POLN: variants seen among roughly 807,000 people sequenced by gnomAD.
POLN encodes DNA polymerase nu.
In POLN, 108 loss-of-function variants were observed where a neutral mutation model predicts 113.5. That is an observed-to-expected ratio of 0.95 (90% CI 0.81 to 1.12). POLN has a LOEUF of 1.12. POLN is among the 50% of genes most tolerant of loss of function. The probability of loss-of-function intolerance (pLI) is 0.00; values close to 1 mark genes in which losing one functional copy is unlikely to be tolerated. For missense variants in POLN, 1,097 were observed against 1,077.1 expected, an observed-to-expected ratio of 1.02 and a Z score of -0.26; for synonymous variants, 386 against 391.5, an observed-to-expected ratio of 0.99 and a Z score of 0.17.
At position 2,105,167 on chromosome 4, in the gene POLN, C is replaced by T. The variant is rs1731032194; in HGVS notation, c.1983-9234G>A. 2.0e-5 allele frequency among the ~76,000 whole-genome samples: 3 copies of T among 152,228 alleles called. 1 individual carries two copies. In the South Asian group the frequency reaches 6.2e-4, roughly 32 times the overall value. On this transcript the variant is annotated intron_variant, in intron 19 of 25. Transcript: ENST00000511885. ...TCACGTCTCGTGAAAGCACACCACC[C>T]ACCCTGCTGCTGGCCCCCAATTGCC...
chr4:2,078,023 A>G (rs950643824), intron 23 of POLN, among the ~76,000 whole-genome samples: 3 of 152,216 alleles, frequency 2.0e-5, no homozygotes, highest in Admixed American at 6.5e-5. Flanking sequence ...CAGTAGGAGA[A>G]TGTTCCAGAA....
chr4:2,240,645 T>A (rs746037336), intron 2 of POLN: 2 of 1,613,774 alleles, frequency 1.2e-6, no homozygotes, highest in African/African-American at 1.3e-5. Context: ...ATCCTCTAAT[T>A]TCTCCAGCTC....
rs1734991489 is a variant in POLN, at chr4:2,241,614, A to T, written c.-107T>A. On this transcript the variant is annotated 5_prime_UTR_variant, in exon 2 of 26. Transcript: ENST00000511885. ...GCAGGGAAGCGCGCGGCCACAATTA[A>T]GGGTGCTTCGGGCCGGCCTTCAGCC... 1.0e-6 allele frequency: 1 copy of T among 985,366 alleles called. No homozygotes were observed. Among genetic ancestry groups the T allele is most frequent in the African/African-American group, 1.7e-5 (1 of 57,218 alleles). 61.0% of individuals were successfully genotyped at this position (985,366 alleles called of 1,614,324 possible). A position where few individuals can be genotyped will look rare whatever the true frequency, so the allele number is the denominator to read the frequency against.
chr4:2,081,648 T>A lies in POLN; in HGVS notation c.2293A>T (p.Asn765Tyr), dbSNP rs1238824830. Residue 765 changes from asparagine (N) to tyrosine (Y), a missense_variant, in exon 22 of 26, where the codon AAC becomes TAC. Transcript: ENST00000511885. Reference sequence around the variant, plus strand: ...CTTCTGGTACCTTGCACCACGAAGTTCACTGCCTGTCGCTCTGCTTGTGCC... The same window carrying A: ...CTTCTGGTACCTTGCACCACGAAGTACACTGCCTGTCGCTCTGCTTGTGCC... The part of the protein sequence containing the change: ...LRAQAERQAV[N>Y]FVVQGSAADL... 9 of 1,614,056 alleles carry A rather than the reference T, an allele frequency of 5.6e-6. No individual in the cohort carries two copies. The Middle Eastern group carries it at 4.9e-4, about 88-fold the overall frequency.
intron 13 of POLN, among the ~76,000 whole-genome samples, 196 bp from the exon 14 acceptor site, chr4:2,159,407 G>A (rs1732521975): frequency 1.3e-5 from 2 of 152,218 alleles, no homozygotes; most frequent in African/African-American, 2.4e-5. Context: ...GTCTACATGG[G>A]CACTAAAAAC....
intron 7 of POLN, among the ~76,000 whole-genome samples, chr4:2,182,817 G>C (rs137874727): frequency 2.3e-4 from 32 of 137,778 alleles, no homozygotes; most frequent in African/African-American, 9.3e-4. Flanking sequence ...AAATAAATCG[G>C]ATTTCCTTAA....
chr4:2,209,454 G>A (rs1452121287), intron 4 of POLN, among the ~76,000 whole-genome samples: 2 of 147,818 alleles, frequency 1.4e-5, no homozygotes, highest in Admixed American at 1.4e-4. Context: ...ACTCCAGCTT[G>A]GGCGACAGAG....
intron 2 of POLN, chr4:2,230,588 A>G (rs546078623): frequency 6.6e-6 from 1 of 152,258 alleles, no homozygotes; most frequent in East Asian, 1.9e-4. Context: ...AATAATTGGC[A>G]AAATATTTTT....
At chr4:2,181,949 G>C (rs1360039888) in intron 7 of POLN, among the ~76,000 whole-genome samples, 1 of 150,308 alleles carries the variant, frequency 6.7e-6, no homozygotes, top group Non-Finnish European at 1.5e-5. Flanking sequence ...TCAGTGAGCT[G>C]AGATCACGCC....
rs200130216 is a variant in POLN at position 2,131,259 on chromosome 4, T to C, written c.1763A>G (p.Gln588Arg). The change falls in exon 17 of 26, where the codon CAG (glutamine) becomes CGG (arginine). Residue 588 changes from glutamine (Q) to arginine (R), a missense_variant. Coordinates refer to ENST00000511885, the MANE Select transcript of POLN (RefSeq NM_181808.4). ...TTTAAAATTCTTAGGTGTAGTAATCTGAATTGGGTGCTTGGAGATACCTTG... is the reference window on the plus strand; with the variant it reads ...TTTAAAATTCTTAGGTGTAGTAATCCGAATTGGGTGCTTGGAGATACCTTG... The part of the protein sequence containing the change: ...NIQGISKHPI[Q>R]ITTPKNFKGK... 2 of 1,593,638 alleles carry C rather than the reference T, an allele frequency of 1.3e-6. No individual in the cohort carries two copies. Among genetic ancestry groups the C allele is most frequent in the East Asian group, 4.5e-5 (2 of 44,650 alleles).
At position 2,128,182 on chromosome 4, in the gene POLN, T is replaced by A. The variant is rs768518186; in HGVS notation, c.1913A>T (p.Asp638Val). 5 of 1,612,782 alleles carry A rather than the reference T, an allele frequency of 3.1e-6. No homozygotes were observed. Among genetic ancestry groups the A allele is most frequent in the Non-Finnish European group, 4.2e-6 (5 of 1,178,854 alleles). ...ELRILTHLSG[D>V]PELLKLFQES... ...CTGGAATAACTTCAGAAGTTCCGGA[T>A]CTCCAGATAAATGTGTAAGAATGCG... is the stretch of plus-strand genomic sequence containing the variant. Residue 638 changes from aspartate to valine, a missense_variant, in exon 19 of 26, where the codon GAT (aspartate) becomes GTT (valine). Physicochemically the swap from Asp to Val is radical, Grantham distance 152. Transcript: ENST00000511885.
intron 2 of POLN, chr4:2,230,992 AATTTC>A (rs1196259648): frequency 6.6e-6 from 1 of 152,342 alleles, no homozygotes; most frequent in East Asian, 1.9e-4. Context: ...TTGAAATTCA[AATTTC>A]ATTTGAAAGT....
intron 16 of POLN, among the ~76,000 whole-genome samples, chr4:2,148,426 TG>T (rs1732203875): frequency 6.6e-6 from 1 of 152,088 alleles, no homozygotes; most frequent in Admixed American, 6.5e-5. Flanking sequence ...CCCAGCACTT[TG>T]GGAGGCCGAC....
intron 3 of POLN, among the ~76,000 whole-genome samples, chr4:2,215,537 T>C (rs952604939): frequency 1.3e-5 from 2 of 152,198 alleles, no homozygotes; most frequent in African/African-American, 2.4e-5. Flanking sequence ...TGGGCTTTTA[T>C]ACCCCTGCAC....
intron 16 of POLN, among the ~76,000 whole-genome samples, chr4:2,135,489 A>C (rs888013794): frequency 6.6e-6 from 1 of 152,220 alleles, no homozygotes; most frequent in African/African-American, 2.4e-5. Flanking sequence ...GCGCTTCTCT[A>C]TGGGCCTCTG....
intron 24 of POLN, 150 bp from the exon 25 acceptor site, chr4:2,073,179 G>A: frequency 2.9e-6 from 2 of 695,108 alleles, no homozygotes; most frequent in Non-Finnish European, 4.8e-6. Context: ...ACCAGCTGTG[G>A]GACCTTAATG....
chr4:2,131,286 A>C lies in POLN; in HGVS notation c.1736T>G (p.Ile579Ser). ...AATTGGGTGCTTGGAGATACCTTGG[A>C]TATTCTGTTAATAATAAGAGACTAG... ...TGRLSAKHPN[I>S]QGISKHPIQI... is the part of the protein sequence containing the mutation. Residue 579 changes from isoleucine to serine, a missense_variant, in exon 17 of 26, where the codon ATC (isoleucine) becomes AGC (serine). Transcript: ENST00000511885. The C allele has an allele frequency of 6.3e-7, 1 of 1,576,658 alleles. No individual in the cohort carries two copies. Among genetic ancestry groups the C allele is most frequent in the Non-Finnish European group, 8.7e-7 (1 of 1,147,308 alleles).
At position 2,162,830 on chromosome 4, in the gene POLN, C is replaced by T. The variant is rs543737754; in HGVS notation, c.1555-3619G>A. On this transcript the variant is annotated intron_variant, in intron 13 of 25. Coordinates refer to ENST00000511885, the MANE Select transcript of POLN (RefSeq NM_181808.4). Reference sequence around the variant, plus strand: ...TGGATTTTCTATCTTGGTCCATTGGCCTATTTACTGACCCTCGAGTCAACA... The same window carrying T: ...TGGATTTTCTATCTTGGTCCATTGGTCTATTTACTGACCCTCGAGTCAACA... Among the ~76,000 whole-genome samples the T allele has an allele frequency of 1.9e-3, 293 of 151,738 alleles. 2 individuals are homozygous for T. The highest frequency in any genetic ancestry group is 6.8e-3 in the Middle Eastern group (2 of 294).
chr4:2,115,228 A>ATATATTTT (rs72052264), intron 19 of POLN, among the ~76,000 whole-genome samples: 4 of 129,994 alleles, frequency 3.1e-5, no homozygotes, highest in African/African-American at 8.8e-5. Flanking sequence ...ATATATATAT[A>ATATATTTT]TTTTTTTTTT....
Sources: gnomAD v4.1 joint callset for allele counts (sites outside exome capture counted in the v4.1 genomes callset) on GRCh38, gnomAD v4.1.1 for gene constraint, MANE v1.5 for transcripts, NCBI Gene and HGNC (gene_info 2026-07-23, HGNC 2026-07-21) for gene names.